The following DACH1 variants were observed in gnomAD, a reference collection of about 807,000 sequenced individuals.
DACH1 encodes dachshund family transcription factor 1.
Under a neutral mutation model 54.2 loss-of-function variants are expected in DACH1, and 12 were observed. That is an observed-to-expected ratio of 0.22 (90% confidence interval 0.14 to 0.36). The LOEUF is 0.36. Ranked by LOEUF, DACH1 falls within the 10% of genes least tolerant of loss-of-function variation. DACH1 has a pLI of 1.00. For synonymous variants in DACH1, 386 were observed against 366.2 expected, an observed-to-expected ratio of 1.05 and a Z score of -0.62; for missense variants, 805 against 929.8, an observed-to-expected ratio of 0.87 and a Z score of 1.75.
At chr13:71,701,689 T>C (rs902378090) in intron 1 of DACH1, among the ~76,000 whole-genome samples, 18 of 151,826 alleles carry the variant, frequency 1.2e-4, no homozygotes, top group African/African-American at 4.1e-4. Context: ...TTTCTGGAGG[T>C]AGAAAGATGA....
At chr13:71,581,883 C>T (rs529955887) in intron 3 of DACH1, among the ~76,000 whole-genome samples, 23 of 151,612 alleles carry the variant, frequency 1.5e-4, no homozygotes, top group Non-Finnish European at 2.6e-4. Context: ...TCAGATTTTA[C>T]GATAAATAAA....
chr13:71,511,081 T>C (rs1364468318), intron 6 of DACH1, among the ~76,000 whole-genome samples: 1 of 152,056 alleles, frequency 6.6e-6, no homozygotes, highest in African/African-American at 2.4e-5. Context: ...TGTAAAAGCC[T>C]ATGGAATTCT....
intron 1 of DACH1, among the ~76,000 whole-genome samples, chr13:71,775,387 A>G (rs1886026441): frequency 6.6e-6 from 1 of 151,678 alleles, no homozygotes; most frequent in African/African-American, 2.4e-5. Context: ...ATATAGACAA[A>G]CCAGGTAATT....
intron 3 of DACH1, among the ~76,000 whole-genome samples, chr13:71,595,645 C>A (rs1215058463): frequency 6.6e-6 from 1 of 152,084 alleles, no homozygotes; most frequent in Non-Finnish European, 1.5e-5. Flanking sequence ...TTGGCTTAAA[C>A]AACAAATATA....
At chr13:71,581,781 A>G (rs1172087272) in intron 3 of DACH1, among the ~76,000 whole-genome samples, 1 of 152,180 alleles carries the variant, frequency 6.6e-6, no homozygotes, top group East Asian at 1.9e-4. Flanking sequence ...TATATCATGT[A>G]CTTAAAATGT....
At position 71,599,855 on chromosome 13, in the gene DACH1, G is replaced by A. The variant is rs3075676; in HGVS notation, c.1127-26843C>T. ...CACACACACACACACACACACACAC[G>A]CACACACATAAGATAATTTAGAGGA... On this transcript the variant is annotated intron_variant, in intron 3 of 10. Transcript: ENST00000613252. Among the ~76,000 whole-genome samples the A allele has an allele frequency of 3.3e-4, 34 of 101,530 alleles. No individual in the cohort carries two copies. The East Asian group carries it at 4.1e-3, about 12-fold the overall frequency. The allele number at this position is 101,530 out of a possible 152,430, so 66.6% of individuals were successfully genotyped here. A position where few individuals can be genotyped will look rare whatever the true frequency, so the allele number is the denominator to read the frequency against.
intron 1 of DACH1, among the ~76,000 whole-genome samples, chr13:71,815,811 C>T (rs1264534172): frequency 6.6e-6 from 1 of 152,104 alleles, no homozygotes; most frequent in African/African-American, 2.4e-5. Context: ...AGAGGCCGGG[C>T]GCGGTGGCTC....
chr13:71,813,476 A>G (rs1472662962), intron 1 of DACH1, among the ~76,000 whole-genome samples: 2 of 151,964 alleles, frequency 1.3e-5, no homozygotes, highest in African/African-American at 2.4e-5. Context: ...TGCGTTATCA[A>G]CTCCATCCAC....
intron 1 of DACH1, among the ~76,000 whole-genome samples, chr13:71,735,028 GAT>G (rs1167740642): frequency 6.9e-6 from 1 of 145,762 alleles, no homozygotes; most frequent in Non-Finnish European, 1.5e-5. Flanking sequence ...ACACACACAG[GAT>G]ATATATATGG....
In DACH1 at chr13:71,524,421, G is replaced by A. The variant is rs74095959; in HGVS notation, c.1570+32603C>T. Among the ~76,000 whole-genome samples, 1,396 of 152,196 alleles carry A rather than the reference G, an allele frequency of 9.2e-3. 21 individuals are homozygous for A. Among genetic ancestry groups the A allele is most frequent in the African/African-American group, 0.032 (1,341 of 41,546 alleles). On this transcript the variant is annotated intron_variant, in intron 6 of 10. Coordinates refer to ENST00000613252, the MANE Select transcript of DACH1 (RefSeq NM_080759.6). ...GAATGATTCAATATATCAACAAAGT[G>A]TGCTTTTTAATAGATAGGCATCTCT...
chr13:71,802,232 T>C (rs551576402), intron 1 of DACH1, among the ~76,000 whole-genome samples: 2 of 152,212 alleles, frequency 1.3e-5, no homozygotes, highest in South Asian at 4.1e-4. Context: ...TCACCATCCT[T>C]TATTTTTCTT....
chr13:71,787,636 T>C (rs1886655941), intron 1 of DACH1, among the ~76,000 whole-genome samples: 1 of 152,190 alleles, frequency 6.6e-6, no homozygotes, highest in Non-Finnish European at 1.5e-5. Context: ...TCCTCCTTCA[T>C]ATCAAGCCAA....
chr13:71,818,021 C>T (rs772256613), intron 1 of DACH1, among the ~76,000 whole-genome samples: 19 of 151,882 alleles, frequency 1.3e-4, no homozygotes, highest in Non-Finnish European at 2.5e-4. Context: ...CCATGCTGGC[C>T]AGACTGGTCT....
At chr13:71,713,121 A>G (rs1882804907) in intron 1 of DACH1, among the ~76,000 whole-genome samples, 1 of 149,004 alleles carries the variant, frequency 6.7e-6, no homozygotes, top group South Asian at 2.1e-4. Flanking sequence ...TTTTGTAACC[A>G]TGGTAAAACA....
chr13:71,529,965 C>A (rs1882301119), intron 6 of DACH1, among the ~76,000 whole-genome samples: 1 of 151,890 alleles, frequency 6.6e-6, no homozygotes. Context: ...TCTTTTTTGT[C>A]AAGTTAGGTA....
chr13:71,791,970 CTT>C (rs1470647720), intron 1 of DACH1, among the ~76,000 whole-genome samples: 2 of 152,196 alleles, frequency 1.3e-5, no homozygotes, highest in African/African-American at 2.4e-5. Flanking sequence ...AGCTCACCCT[CTT>C]TTCCATGGAG....
intron 7 of DACH1, among the ~76,000 whole-genome samples, chr13:71,479,976 A>C (rs781271847): frequency 1.3e-5 from 2 of 152,268 alleles, no homozygotes; most frequent in African/African-American, 2.4e-5. Flanking sequence ...AATGTATCTT[A>C]TTACTCCCTC....
At chr13:71,782,556 T>C (rs1346487444) in intron 1 of DACH1, among the ~76,000 whole-genome samples, 2 of 152,236 alleles carry the variant, frequency 1.3e-5, no homozygotes, top group Admixed American at 1.3e-4. Flanking sequence ...TCTGTATTAC[T>C]GGTAAAGTTT....
intron 6 of DACH1, among the ~76,000 whole-genome samples, chr13:71,540,102 C>A (rs190932891): frequency 1.3e-5 from 2 of 151,662 alleles, no homozygotes; most frequent in Admixed American, 1.3e-4. Context: ...AATATAAATT[C>A]ACTAGATAAT....
Sources: gnomAD v4.1 joint callset for allele counts (sites outside exome capture counted in the v4.1 genomes callset) on GRCh38, gnomAD v4.1.1 for gene constraint, MANE v1.5 for transcripts, NCBI Gene and HGNC (gene_info 2026-07-23, HGNC 2026-07-21) for gene names.